Variants in KCNC2 observed in about 807,000 individuals in gnomAD.
The protein encoded by KCNC2 is voltage-gated potassium channel KCNC2.
A neutral mutation model predicts 44.5 loss-of-function variants in KCNC2; 21 were observed. The ratio of observed to expected loss-of-function variants is 0.47; its 90% CI spans 0.33 to 0.68. The LOEUF is 0.68. Ranked by LOEUF, KCNC2 falls within the 30% of genes least tolerant of loss-of-function variation. The pLI, the probability that KCNC2 is intolerant of heterozygous loss-of-function variation, is 0.01. For missense variants in KCNC2, 589 were observed against 826.2 expected (o/e 0.71, Z 3.52); for synonymous variants, 391 against 339.1 (o/e 1.15, Z -1.68).
At chr12:75,173,329 T>C (rs1376885880) in intron 2 of KCNC2, among the ~76,000 whole-genome samples, 1 of 151,846 alleles carries the variant, frequency 6.6e-6, no homozygotes, top group African/African-American at 2.4e-5. Context: ...CACATCAGAG[T>C]AGAGTGGTTC....
chr12:75,133,444 A>G (rs965539002), intron 2 of KCNC2, among the ~76,000 whole-genome samples: 6 of 150,404 alleles, frequency 4.0e-5, no homozygotes, highest in African/African-American at 1.5e-4. Flanking sequence ...ACAATACTAC[A>G]GAACTGAAAA....
chr12:75,161,701 A>G (rs1891136702), intron 2 of KCNC2, among the ~76,000 whole-genome samples: 1 of 151,856 alleles, frequency 6.6e-6, no homozygotes, highest in Admixed American at 6.6e-5. Context: ...TCGTCTGCAT[A>G]CACTGGAATG....
chr12:75,043,260 C>T lies in KCNC2; in HGVS notation c.1781-19G>A, dbSNP rs770395729. 6.2e-6 allele frequency: 10 copies of T among 1,610,940 alleles called. No homozygotes were observed. The highest frequency in any genetic ancestry group is 1.7e-5 in the Admixed American group (1 of 59,736). ...TCATATCCTTTTATGAAAAAATGCA[C>T]AGACATCAGTTGAATTCAACCAGAA... On this transcript the variant is annotated intron_variant, in intron 4 of 4. Coordinates refer to ENST00000549446, the MANE Select transcript of KCNC2 (RefSeq NM_139137.4).
chr12:75,187,965 A>G (rs1203004595), intron 2 of KCNC2, among the ~76,000 whole-genome samples: 2 of 152,216 alleles, frequency 1.3e-5, no homozygotes, highest in Non-Finnish European at 2.9e-5. Context: ...ATTAAAATAT[A>G]CTAGGAACAG....
intron 2 of KCNC2, among the ~76,000 whole-genome samples, chr12:75,090,746 C>G (rs183304175): frequency 6.6e-5 from 10 of 151,598 alleles, no homozygotes; most frequent in Non-Finnish European, 1.5e-4. Context: ...ATAATTAAAG[C>G]ATGTAGCAAA....
intron 2 of KCNC2, among the ~76,000 whole-genome samples, chr12:75,157,160 T>C (rs1417619164): frequency 6.6e-6 from 1 of 151,898 alleles, no homozygotes; most frequent in Non-Finnish European, 1.5e-5. Context: ...ACTCTACATT[T>C]TGTAATTGCC....
At position 75,093,135 on chromosome 12, in the gene KCNC2, T is replaced by A. The variant is rs77026552; in HGVS notation, c.688-41818A>T. On this transcript the variant is annotated intron_variant, in intron 2 of 4. Coordinates refer to ENST00000549446, the MANE Select transcript of KCNC2 (RefSeq NM_139137.4). ...CAGCTATTGAAATTTTTTAATCAAT[T>A]CATGATTCATAGAATCAAAATATTC... 0.013 allele frequency among the ~76,000 whole-genome samples: 1,944 copies of A among 151,532 alleles called. 101 individuals carry two copies. The East Asian group carries it at 0.15, about 12-fold the overall frequency.
At chr12:75,110,838 A>C (rs530299622) in intron 2 of KCNC2, among the ~76,000 whole-genome samples, 1 of 152,224 alleles carries the variant, frequency 6.6e-6, no homozygotes, top group Non-Finnish European at 1.5e-5. Flanking sequence ...ACAACTACCT[A>C]ATTGTCCTAA....
chr12:75,203,549 C>T (rs2031463611), intron 2 of KCNC2, among the ~76,000 whole-genome samples: 1 of 151,794 alleles, frequency 6.6e-6, no homozygotes, highest in Admixed American at 6.6e-5. Context: ...TGTGAAAGAG[C>T]TAGAAACACA....
At position 75,043,063 on chromosome 12, in the gene KCNC2, A is replaced by G. The variant is rs1880090115; in HGVS notation, c.*42T>C. On this transcript the variant is annotated 3_prime_UTR_variant, in exon 5 of 5. Coordinates refer to ENST00000549446, the MANE Select transcript of KCNC2 (RefSeq NM_139137.4). ...CCATTATGGGGTAAACAGCACTTGA[A>G]TTAATACAATTTAGCCGACTGATGC... 1 of 1,608,024 alleles carries G rather than the reference A, an allele frequency of 6.2e-7. No homozygotes were observed. The highest frequency in any genetic ancestry group is 8.5e-7 in the Non-Finnish European group (1 of 1,176,922).
At chr12:75,101,058 A>G (rs1886333385) in intron 2 of KCNC2, among the ~76,000 whole-genome samples, 2 of 152,242 alleles carry the variant, frequency 1.3e-5, no homozygotes, top group Middle Eastern at 3.4e-3. Context: ...TGATACTTTA[A>G]TTGCAGACTC....
chr12:75,048,038 G>A, intron 4 of KCNC2, 115 bp downstream of exon 4: 1 of 857,774 alleles, frequency 1.2e-6, no homozygotes, highest in Non-Finnish European at 1.9e-6. Context: ...GAGGAAAAGA[G>A]CACTGTACGC....
chr12:75,052,594 T>C (rs1881296175), intron 2 of KCNC2, among the ~76,000 whole-genome samples: 1 of 152,082 alleles, frequency 6.6e-6, no homozygotes, highest in African/African-American at 2.4e-5. Flanking sequence ...AAGTTGTCAG[T>C]CAAGCGGAGG....
At position 75,176,534 on chromosome 12, in the gene KCNC2, T is replaced by G. The variant is rs556599937; in HGVS notation, c.687+30763A>C. Among the ~76,000 whole-genome samples the G allele has an allele frequency of 2.6e-5, 4 of 152,076 alleles. No individual in the cohort carries two copies. In the East Asian group the frequency reaches 7.8e-4, roughly 30 times the overall value. ...CTCTGCTCACCCTGTACCAGCCAAA[T>G]GGCCTCACAGTTCCTCAAATGAACT... is the stretch of plus-strand genomic sequence containing the variant. On this transcript the variant is annotated intron_variant, in intron 2 of 4. Coordinates refer to ENST00000549446, the MANE Select transcript of KCNC2 (RefSeq NM_139137.4).
intron 2 of KCNC2, among the ~76,000 whole-genome samples, chr12:75,171,624 T>A (rs2137582567): frequency 6.6e-6 from 1 of 151,866 alleles, no homozygotes; most frequent in South Asian, 2.1e-4. Flanking sequence ...TATCAGAGGC[T>A]AGTGGGGAGG....
At chr12:75,063,224 A>G (rs1882512639) in intron 2 of KCNC2, among the ~76,000 whole-genome samples, 1 of 152,098 alleles carries the variant, frequency 6.6e-6, no homozygotes, top group Admixed American at 6.6e-5. Flanking sequence ...TAGATATTGT[A>G]CATCCAACAT....
chr12:75,088,057 G>C (rs535168996), intron 2 of KCNC2, among the ~76,000 whole-genome samples: 1 of 152,056 alleles, frequency 6.6e-6, no homozygotes, highest in South Asian at 2.1e-4. Context: ...TTGTTTTAGA[G>C]CTGGTCTATG....
At chr12:75,047,379 C>G (rs940495172) in intron 4 of KCNC2, among the ~76,000 whole-genome samples, 1 of 151,854 alleles carries the variant, frequency 6.6e-6, no homozygotes, top group Non-Finnish European at 1.5e-5. Flanking sequence ...GGAAAAGGAC[C>G]CAAATGATAA....
At chr12:75,120,466 T>C (rs1362220816) in intron 2 of KCNC2, among the ~76,000 whole-genome samples, 2 of 152,228 alleles carry the variant, frequency 1.3e-5, no homozygotes, top group African/African-American at 2.4e-5. Flanking sequence ...TGCCATTTCT[T>C]AAGCCCAGCC....
Sources: allele counts gnomAD v4.1 joint callset (sites outside exome capture counted in the v4.1 genomes callset), GRCh38; gene constraint gnomAD v4.1.1; transcripts MANE v1.5; gene names NCBI Gene and HGNC (gene_info 2026-07-23, HGNC 2026-07-21).